PTPRD: variants seen among roughly 807,000 people sequenced by gnomAD.
The protein encoded by PTPRD is protein tyrosine phosphatase receptor type D.
A neutral mutation model predicts 214.5 loss-of-function variants in PTPRD; 34 were observed. The observed-to-expected ratio is 0.16, with a 90% confidence interval of 0.12 to 0.21. The LOEUF is 0.21. Among genes scored for constraint, PTPRD ranks in the 10% least tolerant of loss-of-function variants. The pLI is 1.00. For synonymous variants in PTPRD, 1,128 were observed against 845.7 expected (o/e 1.33, Z -5.79); for missense variants, 2,545 against 2,398.7 (o/e 1.06, Z -1.27).
At chr9:9,133,276 T>A (rs185850494) in intron 10 of PTPRD, among the ~76,000 whole-genome samples, 1 of 152,320 alleles carries the variant, frequency 6.6e-6, no homozygotes, top group Admixed American at 6.5e-5. Context: ...TAAAGACTCC[T>A]TCCTAGGTTA....
chr9:9,501,142 A>T (rs1458722506), intron 8 of PTPRD, among the ~76,000 whole-genome samples: 1 of 152,050 alleles, frequency 6.6e-6, no homozygotes, highest in Non-Finnish European at 1.5e-5. Flanking sequence ...GTAAAAACTT[A>T]AATATAATAA....
intron 14 of PTPRD, among the ~76,000 whole-genome samples, chr9:8,555,700 C>T (rs1485114358): frequency 6.6e-6 from 1 of 152,158 alleles, no homozygotes; most frequent in Non-Finnish European, 1.5e-5. Flanking sequence ...TTCCTATAGT[C>T]AGGCAGGGAC....
chr9:9,157,917 G>A (rs1342680351), intron 10 of PTPRD, among the ~76,000 whole-genome samples: 2 of 152,070 alleles, frequency 1.3e-5, no homozygotes, highest in African/African-American at 2.4e-5. Flanking sequence ...TTCCCACTGT[G>A]TGTTCATGTG....
intron 37 of PTPRD, among the ~76,000 whole-genome samples, chr9:8,387,070 G>C (rs1480575116): frequency 6.6e-6 from 1 of 152,068 alleles, no homozygotes; most frequent in Admixed American, 6.6e-5. Flanking sequence ...CACAAATCTG[G>C]GTACAGGCTG....
chr9:10,554,549 T>A (rs1435098108), intron 2 of PTPRD, among the ~76,000 whole-genome samples: 1 of 152,218 alleles, frequency 6.6e-6, no homozygotes, highest in African/African-American at 2.4e-5. Context: ...CAGCATCAGG[T>A]ATTTGAGAAT....
At chr9:9,888,563 G>A (rs968251215) in intron 5 of PTPRD, among the ~76,000 whole-genome samples, 2 of 152,054 alleles carry the variant, frequency 1.3e-5, no homozygotes, top group Non-Finnish European at 2.9e-5. Flanking sequence ...TCCTGGGAGA[G>A]CCAATTGTTA....
intron 3 of PTPRD, among the ~76,000 whole-genome samples, chr9:10,126,588 C>A (rs1034429148): frequency 6.6e-6 from 1 of 152,120 alleles, no homozygotes; most frequent in African/African-American, 2.4e-5. Flanking sequence ...CTATACTCTT[C>A]TATTTTCCCC....
At chr9:9,399,811 C>T (rs1295984040) in intron 8 of PTPRD, among the ~76,000 whole-genome samples, 1 of 152,048 alleles carries the variant, frequency 6.6e-6, no homozygotes, top group Non-Finnish European at 1.5e-5. Context: ...CCTCCCCAGC[C>T]ATGTGGAACT....
intron 11 of PTPRD, among the ~76,000 whole-genome samples, chr9:8,780,873 C>A (rs1001694764): frequency 6.6e-6 from 1 of 152,120 alleles, no homozygotes; most frequent in African/African-American, 2.4e-5. Context: ...TGTGGAGGTA[C>A]GTTTGCTTAC....
At chr9:10,563,376 C>T (rs1348138383) in intron 2 of PTPRD, among the ~76,000 whole-genome samples, 2 of 152,086 alleles carry the variant, frequency 1.3e-5, no homozygotes, top group Admixed American at 1.3e-4. Context: ...AAAAAAGAGA[C>T]AGAAAACTAT....
chr9:8,745,173 A>C (rs2092650882), intron 11 of PTPRD, among the ~76,000 whole-genome samples: 2 of 152,232 alleles, frequency 1.3e-5, no homozygotes, highest in South Asian at 4.1e-4. Context: ...CCTCTCATTT[A>C]ACAGACAATG....
intron 4 of PTPRD, among the ~76,000 whole-genome samples, chr9:10,032,686 A>G (rs924567043): frequency 5.3e-5 from 8 of 152,262 alleles, no homozygotes; most frequent in Admixed American, 5.2e-4. Flanking sequence ...TTTTTGAAGA[A>G]TCATTTAGTG....
intron 7 of PTPRD, among the ~76,000 whole-genome samples, chr9:9,615,057 G>A (rs540149687): frequency 5.9e-5 from 9 of 152,234 alleles, no homozygotes; most frequent in South Asian, 2.1e-4. Context: ...CAGCAACGTG[G>A]GTGTAAGAAT....
intron 2 of PTPRD, among the ~76,000 whole-genome samples, chr9:10,570,498 G>T (rs2067085871): frequency 6.6e-6 from 1 of 152,076 alleles, no homozygotes; most frequent in Admixed American, 6.6e-5. Context: ...ATGAGCGGAA[G>T]AATAGAACAA....
chr9:10,166,365 C>T (rs764986450), intron 3 of PTPRD, among the ~76,000 whole-genome samples: 1 of 148,424 alleles, frequency 6.7e-6, no homozygotes, highest in East Asian at 2.1e-4. Context: ...TTTTCTGATG[C>T]CAATGCTGAT....
At chr9:8,564,276 G>A (rs1039255614) in intron 14 of PTPRD, among the ~76,000 whole-genome samples, 17 of 152,228 alleles carry the variant, frequency 1.1e-4, no homozygotes, top group African/African-American at 3.1e-4. Flanking sequence ...CATATTAAAC[G>A]CATTTTTGAT....
chr9:8,720,166 C>A (rs1403034204), intron 12 of PTPRD, among the ~76,000 whole-genome samples: 2 of 152,208 alleles, frequency 1.3e-5, no homozygotes, highest in African/African-American at 4.8e-5. Flanking sequence ...TGGACTCTGG[C>A]TGGAATGCCA....
intron 17 of PTPRD, chr9:8,525,274 G>A (rs2073800768): frequency 1.6e-6 from 1 of 624,458 alleles, no homozygotes; most frequent in South Asian, 1.7e-5. Context: ...CTTTTCCCAA[G>A]CAAGACTTCT....
chr9:9,031,616 A>G lies in PTPRD; in HGVS notation c.-142-12881T>C, dbSNP rs1206383736. 7.9e-5 allele frequency among the ~76,000 whole-genome samples: 12 copies of G among 152,084 alleles called. No homozygotes were observed. In the South Asian group the frequency reaches 8.3e-4, roughly 11 times the overall value. ...ATTATAATCTTAAGGGACCACCAATAAATACGTGGTCCATCAGTGACTGGA... is the reference window on the plus strand; with the variant it reads ...ATTATAATCTTAAGGGACCACCAATGAATACGTGGTCCATCAGTGACTGGA... On this transcript the variant is annotated intron_variant, in intron 10 of 45. Transcript: ENST00000381196.
Sources: allele counts gnomAD v4.1 joint callset (sites outside exome capture counted in the v4.1 genomes callset), GRCh38; gene constraint gnomAD v4.1.1; transcripts MANE v1.5; gene names NCBI Gene and HGNC (gene_info 2026-07-23, HGNC 2026-07-21).